SGF29: variants seen among roughly 807,000 people sequenced by gnomAD.
The protein encoded by SGF29 is SAGA-associated factor 29.
A neutral mutation model predicts 38.1 loss-of-function variants in SGF29; 15 were observed. The observed-to-expected ratio is 0.39, with a 90% CI of 0.26 to 0.61. The LOEUF is 0.61. SGF29 is among the 20% of genes least tolerant of loss of function. The pLI is 0.49. For synonymous variants in SGF29, 151 were observed against 160.8 expected, an observed-to-expected ratio of 0.94 and a Z score of 0.46; for missense variants, 184 against 394.6, an observed-to-expected ratio of 0.47 and a Z score of 4.52.
intron 5 of SGF29, among the ~76,000 whole-genome samples, chr16:28,589,885 G>A (rs963626045): frequency 2.6e-5 from 4 of 152,024 alleles, no homozygotes; most frequent in Non-Finnish European, 5.9e-5. Flanking sequence ...CTGGATCCCC[G>A]CTGTGCTGCC....
At chr16:28,585,270 G>T in intron 3 of SGF29, 2 of 508,212 alleles carry the variant, frequency 3.9e-6, no homozygotes, top group Non-Finnish European at 7.0e-6. Flanking sequence ...CTAGAAAGGA[G>T]CTTCCTTCCC....
chr16:28,564,668 T>TATATGTATATATATGC (rs2046818523), intron 1 of SGF29, among the ~76,000 whole-genome samples: 3 of 41,024 alleles, frequency 7.3e-5, no homozygotes, highest in Non-Finnish European at 1.8e-4. Context: ...TATATATGCA[T>TATATGTATATATATGC]ATATATGTAT....
In SGF29 at chr16:28,590,558, C is replaced by T. The variant is rs2046983047; in HGVS notation, c.567-73C>T. 1 of 1,612,046 alleles carries T rather than the reference C, an allele frequency of 6.2e-7. No individual in the cohort carries two copies. The highest frequency in any genetic ancestry group is 1.7e-5 in the Admixed American group (1 of 60,016). On this transcript the variant is annotated intron_variant, in intron 7 of 9. Coordinates refer to ENST00000317058, the MANE Select transcript of SGF29 (RefSeq NM_138414.3). This position sits in a 1 kb window ranked among gnomAD's most constrained non-coding sequence, Gnocchi z 8.2. ...CTGGTTGTGCAGGGAGCACCAGGTC[C>T]TCCCCCATCCTCACTCCCCAACAGG...
rs528268430 is a variant in SGF29, at chr16:28,590,392, C to T, written c.516C>T (p.Asp172=). 48 of 1,613,892 alleles carry T rather than the reference C, an allele frequency of 3.0e-5. No individual in the cohort carries two copies. The highest frequency in any genetic ancestry group is 2.5e-4 in the East Asian group (11 of 44,870). The change falls in exon 7 of 10, where the codon GAC becomes GAT. Residue 172 remains aspartate, a synonymous_variant. Coordinates refer to ENST00000317058, the MANE Select transcript of SGF29 (RefSeq NM_138414.3). The surrounding 1 kb of genome is among the most constrained non-coding windows in gnomAD (Gnocchi z 8.2). The part of the protein sequence containing the change: ...VAARVKAVDG[D]EQWILAEVVS... ...CCCGGGTGAAGGCCGTGGATGGGGA[C>T]GAGCAGTGGATCCTGGCCGAGGTGG... is the stretch of plus-strand genomic sequence containing the variant.
intron 1 of SGF29, among the ~76,000 whole-genome samples, chr16:28,566,098 C>G (rs1016175140): frequency 6.6e-6 from 1 of 151,232 alleles, no homozygotes; most frequent in Admixed American, 6.6e-5. Flanking sequence ...ACGGTGAAAC[C>G]CCGTCTCTAC....
At chr16:28,588,633 C>T (rs748077759) in intron 4 of SGF29, 36 of 431,360 alleles carry the variant, frequency 8.3e-5, no homozygotes, top group Non-Finnish European at 1.4e-4. Flanking sequence ...GACGCGATCT[C>T]GGTTCACTGC....
chr16:28,574,745 G>T (rs1376939011), intron 1 of SGF29, among the ~76,000 whole-genome samples: 2 of 152,140 alleles, frequency 1.3e-5, no homozygotes, highest in Admixed American at 6.6e-5. Context: ...TGGCTCACTG[G>T]GGTTCTTTCC....
chr16:28,558,897 G>A (rs1304428178), intron 1 of SGF29, among the ~76,000 whole-genome samples: 6 of 152,314 alleles, frequency 3.9e-5, no homozygotes, highest in Non-Finnish European at 7.3e-5. Flanking sequence ...GAGAGGAGAA[G>A]GGGGTGGGGA....
Position 28,580,438 on chromosome 16 carries a change from G to A in SGF29, c.-15-617G>A, listed in dbSNP as rs76854677. Among the ~76,000 whole-genome samples the A allele has an allele frequency of 6.1e-3, 934 of 152,216 alleles. 12 individuals are homozygous for A. Among genetic ancestry groups the A allele is most frequent in the African/African-American group, 0.02 (821 of 41,532 alleles). On this transcript the variant is annotated intron_variant, in intron 1 of 9. Transcript: ENST00000317058. Reference sequence around the variant, plus strand: ...GCTTCTTGGAGGCTTAGACGGGGCCGTTACTCCGCGCATCTCTCCCGGCTG... The same window carrying A: ...GCTTCTTGGAGGCTTAGACGGGGCCATTACTCCGCGCATCTCTCCCGGCTG...
At chr16:28,559,471 C>T (rs2046772776) in intron 1 of SGF29, among the ~76,000 whole-genome samples, 1 of 152,160 alleles carries the variant, frequency 6.6e-6, no homozygotes, top group Non-Finnish European at 1.5e-5. Context: ...TTAACCTCCG[C>T]CTCCCGGATT....
intron 4 of SGF29, among the ~76,000 whole-genome samples, chr16:28,586,939 C>T (rs2151653439): frequency 6.6e-6 from 1 of 152,312 alleles, no homozygotes; most frequent in Admixed American, 6.5e-5. Flanking sequence ...CCTCAAACTC[C>T]TGGCCTCAAG....
rs150312488 is a variant in SGF29 at position 28,590,109 on chromosome 16, C to T, written c.303C>T (p.Ala101=). 29 of 1,611,276 alleles carry T rather than the reference C, an allele frequency of 1.8e-5. No homozygotes were observed. Among genetic ancestry groups the T allele is most frequent in the African/African-American group, 1.7e-4 (13 of 74,916 alleles). The change falls in exon 6 of 10, where the codon GCC becomes GCT. Residue 101 remains alanine (A), a synonymous_variant. Transcript: ENST00000317058. This position sits in a 1 kb window ranked among gnomAD's most constrained non-coding sequence, Gnocchi z 8.2. ...TCCTTCCCACAGCGGCCAAGATTGCCGGTCTCTACAATGACTCGGAGCCAC... is the reference window on the plus strand; with the variant it reads ...TCCTTCCCACAGCGGCCAAGATTGCTGGTCTCTACAATGACTCGGAGCCAC... ...LEERRIAAKI[A]GLYNDSEPPR...
chr16:28,567,388 A>G (rs1171032751), intron 1 of SGF29, among the ~76,000 whole-genome samples: 1 of 152,170 alleles, frequency 6.6e-6, no homozygotes, highest in Non-Finnish European at 1.5e-5. Context: ...TGGCACCATG[A>G]TCATGGACTT....
At chr16:28,564,578 C>CGTATATATAT (rs1567285655) in intron 1 of SGF29, among the ~76,000 whole-genome samples, 2 of 109,498 alleles carry the variant, frequency 1.8e-5, no homozygotes, top group Admixed American at 1.0e-4. Context: ...TATATATATA[C>CGTATATATAT]ACGTATATAT....
intron 1 of SGF29, among the ~76,000 whole-genome samples, chr16:28,580,676 CTT>C (rs2046919825): frequency 6.6e-6 from 1 of 152,112 alleles, no homozygotes; most frequent in Non-Finnish European, 1.5e-5. Flanking sequence ...TACAATGTAT[CTT>C]TTTATTATTA....
At chr16:28,588,497 G>T (rs901027681) in intron 4 of SGF29, 3 of 351,228 alleles carry the variant, frequency 8.5e-6, no homozygotes, top group Admixed American at 3.9e-5. Flanking sequence ...TTAGTTTTTG[G>T]CATGCTGCTT....
At chr16:28,563,790 G>A (rs1378538982) in intron 1 of SGF29, among the ~76,000 whole-genome samples, 5 of 140,374 alleles carry the variant, frequency 3.6e-5, no homozygotes, top group Admixed American at 8.0e-5. Context: ...GCGTAATCTC[G>A]GCTCACTGCA....
chr16:28,558,490 C>A (rs1159611657), intron 1 of SGF29, among the ~76,000 whole-genome samples: 1 of 152,040 alleles, frequency 6.6e-6, no homozygotes, highest in African/African-American at 2.4e-5. Flanking sequence ...AACTCCTGGG[C>A]TCAAGCAATC....
intron 1 of SGF29, among the ~76,000 whole-genome samples, chr16:28,567,174 G>A (rs1304951681): frequency 1.3e-5 from 2 of 152,156 alleles, no homozygotes; most frequent in Non-Finnish European, 2.9e-5. Context: ...AAGTGTGTAA[G>A]AAATATCCAT....
Sources: allele counts gnomAD v4.1 joint callset (sites outside exome capture counted in the v4.1 genomes callset), GRCh38; gene constraint gnomAD v4.1.1; non-coding constraint Gnocchi (gnomAD v3.1); transcripts MANE v1.5; gene names NCBI Gene and HGNC (gene_info 2026-07-23, HGNC 2026-07-21).